Variants in TAB3 observed in about 807,000 individuals in gnomAD.
TAB3 encodes the protein TGF-beta activated kinase 1 (MAP3K7) binding protein 3, also known as TGF-beta-activated kinase 1 and MAP3K7-binding protein 3.
In TAB3, 18 loss-of-function variants were observed where a neutral mutation model predicts 48.1. The ratio of observed to expected loss-of-function variants is 0.37; its 90% CI spans 0.26 to 0.55. TAB3 has a LOEUF of 0.55. Among genes scored for constraint, TAB3 ranks in the 20% least tolerant of loss-of-function variants. TAB3 has a pLI of 0.78. For missense variants in TAB3, 414 were observed against 549.8 expected, an observed-to-expected ratio of 0.75 and a Z score of 2.47; for synonymous variants, 185 against 190.2, an observed-to-expected ratio of 0.97 and a Z score of 0.22.
Position 30,854,614 on chromosome X carries a change from G to C in TAB3, c.1051C>G (p.Leu351Val). 8.3e-7 allele frequency: 1 copy of C among 1,211,677 alleles called. No homozygotes were observed. Residue 351 changes from leucine to valine, a missense_variant, in exon 6 of 11, where the codon CTT (leucine) becomes GTT (valine). Coordinates refer to ENST00000288422, the MANE Select transcript of TAB3 (RefSeq NM_152787.5). ...QKQGSHSVAY[L>V]PYTASSLSKG... ...GATAAACTAGATGCTGTGTATGGAA[G>C]ATAGGCTACTGAATGGCTTCCCTGT...
At chrX:30,849,532 C>T (rs1938760703) in intron 7 of TAB3, among the ~76,000 whole-genome samples, 1 of 112,724 alleles carries the variant, frequency 8.9e-6, no homozygotes, top group African/African-American at 3.2e-5. Context: ...ACAAGTGGGA[C>T]AATGATAAGG....
rs776011680 is a variant in TAB3 at position 30,854,982 on chromosome X, C to G, written c.683G>C (p.Gly228Ala). The part of the protein sequence containing the change: ...QIPSNLYGSP[G>A]SIYIRQTSQS... ...AGATGTCTGTCTAATATAAATAGAA[C>G]CAGGAGACCCATAGAGATTGCTTGG... The change falls in exon 6 of 11, where the codon GGT becomes GCT. Residue 228 changes from glycine to alanine, a missense_variant. Gly to Ala is a moderately conservative substitution (Grantham distance 60). Transcript: ENST00000288422. 5.0e-6 allele frequency: 6 copies of G among 1,209,712 alleles called. No individual in the cohort carries two copies. The highest frequency in any genetic ancestry group is 2.3e-4 in the Middle Eastern group (1 of 4,354).
chrX:30,874,268 C>T (rs1383512702), intron 1 of TAB3, among the ~76,000 whole-genome samples: 1 of 112,170 alleles, frequency 8.9e-6, no homozygotes, highest in African/African-American at 3.2e-5. Flanking sequence ...CATGGGTCAA[C>T]TGTATTATAT....
At chrX:30,841,021 T>C (rs146424598) in intron 9 of TAB3, among the ~76,000 whole-genome samples, 1,185 of 112,707 alleles carry the variant, frequency 0.011, 14 homozygotes, top group African/African-American at 0.036. Context: ...CAATGCTAAC[T>C]ATACACCTCA....
chrX:30,854,433 G>A lies in TAB3; in HGVS notation c.1232C>T (p.Ser411Leu). ...TATTPPSSSP[S>L]RGISSQPKPP... ...TTTTGGTTGACTAGATATCCCTCTT[G>A]AAGGAGAACTTGAAGGTGGCGTGGT... is the stretch of plus-strand genomic sequence containing the variant. The change falls in exon 6 of 11, where the codon TCA becomes TTA. Residue 411 changes from serine to leucine, a missense_variant. Ser to Leu is a moderately radical substitution (Grantham distance 145). Transcript: ENST00000288422. 8.3e-7 allele frequency: 1 copy of A among 1,211,551 alleles called. No individual in the cohort carries two copies. Among genetic ancestry groups the A allele is most frequent in the South Asian group, 1.8e-5 (1 of 56,982 alleles).
intron 2 of TAB3, among the ~76,000 whole-genome samples, chrX:30,868,617 AGCGCGTGGGGGG>A (rs1939572449): frequency 1.6e-5 from 1 of 62,556 alleles, no homozygotes; most frequent in Non-Finnish European, 2.9e-5. Context: ...AGAGAGAGAG[AGCGCGTGGGGGG>A]GAGAGACAGA....
At chrX:30,879,392 C>T (rs1270729528) in intron 1 of TAB3, among the ~76,000 whole-genome samples, 1 of 111,795 alleles carries the variant, frequency 8.9e-6, no homozygotes, top group Admixed American at 9.4e-5. Flanking sequence ...ATCTAAAATT[C>T]CAAAGTAAAA....
At chrX:30,883,518 T>C (rs1238317946) in intron 1 of TAB3, among the ~76,000 whole-genome samples, 1 of 111,564 alleles carries the variant, frequency 9.0e-6, no homozygotes, top group Non-Finnish European at 1.9e-5. Flanking sequence ...ACCACTATAC[T>C]ATACAGCCTT....
intron 4 of TAB3, among the ~76,000 whole-genome samples, chrX:30,861,409 T>C (rs1327090190): frequency 9.3e-6 from 1 of 108,055 alleles, no homozygotes; most frequent in Admixed American, 9.9e-5. Context: ...GAGTCACCTA[T>C]ATAGGGCAAT....
rs1937965611 is a variant in TAB3 at position 30,829,463 on chromosome X, G to T, written c.*1964C>A. ...AGATATGAAACCATACAAAGGCAAA[G>T]GCATATTACAGAACAGTAGGACGGC... On this transcript the variant is annotated 3_prime_UTR_variant, in exon 11 of 11. Coordinates refer to ENST00000288422, the MANE Select transcript of TAB3 (RefSeq NM_152787.5). 2 of 112,011 alleles carry T rather than the reference G, an allele frequency of 1.8e-5. No homozygotes were observed. Among genetic ancestry groups the T allele is most frequent in the Non-Finnish European group, 3.8e-5 (2 of 53,182 alleles). 9.2% of individuals were successfully genotyped at this position (112,011 alleles called of 1,213,427 possible). A position where few individuals can be genotyped will look rare whatever the true frequency, so the allele number is the denominator to read the frequency against.
At chrX:30,832,187 C>T (rs1455090029) in intron 10 of TAB3, among the ~76,000 whole-genome samples, 1 of 112,272 alleles carries the variant, frequency 8.9e-6, no homozygotes, top group Non-Finnish European at 1.9e-5. Context: ...CTTTTATTCT[C>T]ATATTCTTTC....
intron 9 of TAB3, among the ~76,000 whole-genome samples, chrX:30,837,214 A>T (rs928062353): frequency 3.7e-5 from 4 of 108,980 alleles, no homozygotes; most frequent in Admixed American, 9.8e-5. Flanking sequence ...ATGCCCAGCT[A>T]ATTTTGGTAT....
At chrX:30,879,791 C>G (rs923720031) in intron 1 of TAB3, among the ~76,000 whole-genome samples, 12 of 111,062 alleles carry the variant, frequency 1.1e-4, no homozygotes, top group Non-Finnish European at 2.1e-4. Context: ...AAGGAAGAAA[C>G]AAGACTTTAT....
chrX:30,887,865 C>T (rs953459023), intron 1 of TAB3, among the ~76,000 whole-genome samples: 6 of 112,255 alleles, frequency 5.3e-5, no homozygotes, highest in Admixed American at 4.7e-4. Flanking sequence ...TATTTACCTT[C>T]ACTGAAGTCT....
At chrX:30,840,752 A>T (rs1938409057) in intron 9 of TAB3, among the ~76,000 whole-genome samples, 1 of 111,255 alleles carries the variant, frequency 9.0e-6, no homozygotes, top group Admixed American at 9.6e-5. Flanking sequence ...CAGCGTGAAA[A>T]CAGACTAATA....
chrX:30,866,227 C>T (rs983051096), intron 4 of TAB3, among the ~76,000 whole-genome samples: 1 of 111,467 alleles, frequency 9.0e-6, no homozygotes, highest in Non-Finnish European at 1.9e-5. Flanking sequence ...TAACACCCCC[C>T]ACAAAGAATA....
rs140662477 is a variant in TAB3, at chrX:30,887,148, T to C, written c.-383+1966A>G. The stretch of plus-strand genomic sequence containing the variant: ...TAAAGCAAATTCAAACCCCTATAGA[T>C]AGTTGCCATGTAATAATGTAATTTG... On this transcript the variant is annotated intron_variant, in intron 1 of 10. Coordinates refer to ENST00000288422, the MANE Select transcript of TAB3 (RefSeq NM_152787.5). Among the ~76,000 whole-genome samples, 476 of 112,473 alleles carry C rather than the reference T, an allele frequency of 4.2e-3. 4 individuals carry two copies. The highest frequency in any genetic ancestry group is 0.015 in the African/African-American group (454 of 30,988).
At chrX:30,839,691 CG>C (rs1433162960) in intron 9 of TAB3, among the ~76,000 whole-genome samples, 1 of 109,303 alleles carries the variant, frequency 9.1e-6, no homozygotes, top group East Asian at 2.8e-4. Flanking sequence ...GGAAAATCTC[CG>C]CAACTTCCTC....
At chrX:30,872,437 T>C (rs750234693) in intron 1 of TAB3, among the ~76,000 whole-genome samples, 2 of 111,751 alleles carry the variant, frequency 1.8e-5, no homozygotes, top group African/African-American at 6.5e-5. Context: ...TCGCTCAGGA[T>C]TGGAAGACCT....
Sources: allele counts gnomAD v4.1 joint callset (sites outside exome capture counted in the v4.1 genomes callset), GRCh38; gene constraint gnomAD v4.1.1; transcripts MANE v1.5; gene names NCBI Gene and HGNC (gene_info 2026-07-23, HGNC 2026-07-21).